The following CFAP54 variants were observed in gnomAD, a reference collection of about 807,000 sequenced individuals.
The protein encoded by CFAP54 is cilia- and flagella-associated protein 54.
A neutral mutation model predicts 370.4 loss-of-function variants in CFAP54; 290 were observed. The ratio of observed to expected loss-of-function variants is 0.78; its 90% CI spans 0.71 to 0.86. CFAP54 has a LOEUF of 0.86. CFAP54 is among the 40% of genes least tolerant of loss of function. The pLI, the probability that CFAP54 is intolerant of heterozygous loss-of-function variation, is 0.00. For synonymous variants in CFAP54, 1,206 were observed against 1,236.5 expected (o/e 0.98, Z 0.52); for missense variants, 3,399 against 3,528.7 (o/e 0.96, Z 0.93).
intron 63 of CFAP54, among the ~76,000 whole-genome samples, chr12:96,808,362 C>T (rs913801422): frequency 6.6e-6 from 1 of 152,102 alleles, no homozygotes; most frequent in Non-Finnish European, 1.5e-5. Flanking sequence ...TTGAGTTACT[C>T]TCTTGTGTCA....
At chr12:96,569,594 A>G (rs974738634) in intron 19 of CFAP54, among the ~76,000 whole-genome samples, 2 of 152,170 alleles carry the variant, frequency 1.3e-5, no homozygotes, top group African/African-American at 4.8e-5. Context: ...CAGTTGTTTC[A>G]TCTGGTTTTC....
At chr12:96,543,720 A>G (rs1955604097) in intron 14 of CFAP54, among the ~76,000 whole-genome samples, 1 of 152,136 alleles carries the variant, frequency 6.6e-6, no homozygotes, top group Admixed American at 6.5e-5. Flanking sequence ...CTAGGATCCC[A>G]TTATTCCAGT....
chr12:96,601,935 C>CT (rs1592874551), intron 26 of CFAP54, among the ~76,000 whole-genome samples: 1 of 151,902 alleles, frequency 6.6e-6, no homozygotes, highest in Non-Finnish European at 1.5e-5. Context: ...TTTTTGAAGG[C>CT]TTTTTTGTGT....
intron 64 of CFAP54, among the ~76,000 whole-genome samples, chr12:96,814,751 T>C (rs1329889964): frequency 6.6e-6 from 1 of 152,164 alleles, no homozygotes; most frequent in Non-Finnish European, 1.5e-5. Flanking sequence ...TTCCCCTCCC[T>C]GTGTCCATGT....
At chr12:96,600,020 C>G (rs1956222235) in intron 26 of CFAP54, among the ~76,000 whole-genome samples, 1 of 152,142 alleles carries the variant, frequency 6.6e-6, no homozygotes, top group Admixed American at 6.5e-5. Context: ...TTCCATTTTT[C>G]TATTTTGGCT....
At chr12:96,586,814 G>A (rs1478385150) in intron 22 of CFAP54, among the ~76,000 whole-genome samples, 2 of 152,162 alleles carry the variant, frequency 1.3e-5, no homozygotes, top group Non-Finnish European at 2.9e-5. Flanking sequence ...ATGATGTAAC[G>A]TGACTCCTGT....
At chr12:96,788,143 A>T (rs539213925) in intron 62 of CFAP54, among the ~76,000 whole-genome samples, 3 of 152,224 alleles carry the variant, frequency 2.0e-5, no homozygotes, top group Non-Finnish European at 2.9e-5. Context: ...CTTAAGTAAC[A>T]CTGAAAACAA....
chr12:96,856,333 G>A (rs908174004), intron 66 of CFAP54, among the ~76,000 whole-genome samples: 6 of 152,184 alleles, frequency 3.9e-5, no homozygotes, highest in Non-Finnish European at 5.9e-5. Flanking sequence ...ATTTATGCAG[G>A]AGGCTTGAAT....
intron 12 of CFAP54, among the ~76,000 whole-genome samples, chr12:96,537,006 T>TTCAAC (rs146750922): frequency 6.6e-6 from 1 of 151,998 alleles, no homozygotes; most frequent in Non-Finnish European, 1.5e-5. Flanking sequence ...TTCAATTCAA[T>TTCAAC]TCAATTCAAT....
intron 66 of CFAP54, among the ~76,000 whole-genome samples, chr12:96,836,768 T>G (rs1476246233): frequency 1.3e-5 from 2 of 152,366 alleles, no homozygotes; most frequent in East Asian, 3.8e-4. Flanking sequence ...TAATGTGCAT[T>G]CCATTTTATA....
intron 62 of CFAP54, among the ~76,000 whole-genome samples, chr12:96,788,577 T>C (rs963767557): frequency 1.3e-5 from 2 of 152,180 alleles, no homozygotes; most frequent in African/African-American, 4.8e-5. Flanking sequence ...GAACTGAAAA[T>C]GTGGCTTGTT....
chr12:96,603,677 C>G (rs1431394751), intron 26 of CFAP54, among the ~76,000 whole-genome samples: 2 of 152,220 alleles, frequency 1.3e-5, no homozygotes, highest in South Asian at 2.1e-4. Context: ...TTTCTCTAAT[C>G]TTGTCTTCTC....
chr12:96,848,117 C>A (rs112021310), intron 66 of CFAP54, among the ~76,000 whole-genome samples: 37 of 152,210 alleles, frequency 2.4e-4, no homozygotes, highest in African/African-American at 8.2e-4. Flanking sequence ...TGCTCTGTTG[C>A]CCAGGCTGTA....
rs199850929 is a variant in CFAP54, at chr12:96,495,870, C to G, written c.318-4964C>G. Among the ~76,000 whole-genome samples, 20 of 152,156 alleles carry G rather than the reference C, an allele frequency of 1.3e-4. No individual in the cohort carries two copies. The East Asian group carries it at 3.9e-3, about 29-fold the overall frequency. The stretch of plus-strand genomic sequence containing the variant: ...GCTGGTATTTTTCTTTTATGAGTAA[C>G]AAACCTAGTCATCATTATCTCATCT... On this transcript the variant is annotated intron_variant, in intron 1 of 67. Coordinates refer to ENST00000524981, the MANE Select transcript of CFAP54 (RefSeq NM_001306084.2).
At chr12:96,561,464 A>T (rs1258374769) in intron 17 of CFAP54, among the ~76,000 whole-genome samples, 1 of 152,110 alleles carries the variant, frequency 6.6e-6, no homozygotes, top group African/African-American at 2.4e-5. Flanking sequence ...TATCAGCAGC[A>T]TGAAAACAGA....
chr12:96,862,804 G>A (rs945206164), intron 67 of CFAP54, among the ~76,000 whole-genome samples: 1 of 152,132 alleles, frequency 6.6e-6, no homozygotes, highest in East Asian at 1.9e-4. Context: ...TCTGAGGCTG[G>A]GGTTTACACG....
intron 5 of CFAP54, among the ~76,000 whole-genome samples, chr12:96,516,924 AT>A (rs1392084035): frequency 2.0e-5 from 3 of 151,942 alleles, no homozygotes; most frequent in Non-Finnish European, 4.4e-5. Context: ...AATCGTATGT[AT>A]ATTTCCTGCT....
chr12:96,588,210 T>C (rs1054331652), intron 22 of CFAP54, among the ~76,000 whole-genome samples: 3 of 152,098 alleles, frequency 2.0e-5, no homozygotes, highest in African/African-American at 7.2e-5. Flanking sequence ...TTTTTCAAAC[T>C]CTGACCTGCC....
intron 14 of CFAP54, among the ~76,000 whole-genome samples, chr12:96,543,022 C>A (rs368110674): frequency 3.9e-5 from 6 of 152,336 alleles, no homozygotes; most frequent in East Asian, 3.9e-4. Context: ...GTAGTTAGAG[C>A]TGGATGCTTA....
Sources: allele counts gnomAD v4.1 joint callset (sites outside exome capture counted in the v4.1 genomes callset), GRCh38; gene constraint gnomAD v4.1.1; transcripts MANE v1.5; gene names NCBI Gene and HGNC (gene_info 2026-07-23, HGNC 2026-07-21).